Variants in DHX8 observed in about 807,000 individuals in gnomAD.
DHX8 encodes the protein DEAH-box helicase 8, also known as ATP-dependent RNA helicase DHX8.
Under a neutral mutation model 140.7 loss-of-function variants are expected in DHX8, and 67 were observed. The ratio of observed to expected loss-of-function variants is 0.48; its 90% CI spans 0.39 to 0.58. The LOEUF is 0.58. Ranked by LOEUF, DHX8 falls within the 20% of genes least tolerant of loss-of-function variation. DHX8 has a pLI of 0.00. For synonymous variants in DHX8, 533 were observed against 553.2 expected (o/e 0.96, Z 0.51); for missense variants, 887 against 1,550.7 (o/e 0.57, Z 7.19).
At chr17:43,543,166 A>G (rs1430096758) in intron 3 of DHX8, among the ~76,000 whole-genome samples, 2 of 151,924 alleles carry the variant, frequency 1.3e-5, no homozygotes, top group Non-Finnish European at 2.9e-5. Context: ...GAGGGAACCA[A>G]GGAGATCCCA....
At chr17:43,506,479 C>T (rs1028751091) in intron 12 of DHX8, among the ~76,000 whole-genome samples, 7 of 151,830 alleles carry the variant, frequency 4.6e-5, no homozygotes, top group Admixed American at 4.6e-4. Context: ...ATTAGCCGGG[C>T]GTGCTGGCGG....
chr17:43,521,024 G>A (rs1970352167), intron 20 of DHX8, 145 bp downstream of exon 20: 5 of 836,816 alleles, frequency 6.0e-6, no homozygotes, highest in East Asian at 2.9e-5. Context: ...AGGCTGGAGT[G>A]CAGTGGAATG....
chr17:43,514,718 A>G (rs918203875), intron 17 of DHX8, among the ~76,000 whole-genome samples: 2 of 152,356 alleles, frequency 1.3e-5, no homozygotes, highest in African/African-American at 2.4e-5. Context: ...AAGGATGTTC[A>G]TCGAAGGATT....
At chr17:43,489,591 T>C in intron 2 of DHX8, 57 bp downstream of exon 2, 1 of 1,341,864 alleles carries the variant, frequency 7.5e-7, no homozygotes, top group Non-Finnish European at 1.1e-6. Flanking sequence ...TTATGTTTGT[T>C]TGTTTGTTTT....
downstream of DHX8, chr17:43,528,534 A>T: frequency 6.2e-7 from 1 of 1,609,122 alleles, no homozygotes; most frequent in Non-Finnish European, 8.5e-7. Context: ...AAGAGTAGCC[A>T]CCCTTGGGGC....
At chr17:43,486,771 A>G (rs564941819) in intron 1 of DHX8, among the ~76,000 whole-genome samples, 2 of 151,536 alleles carry the variant, frequency 1.3e-5, no homozygotes, top group African/African-American at 4.8e-5. Flanking sequence ...CTAGCTACTC[A>G]GGAGGCTGAG....
chr17:43,509,300 C>T (rs920742615), intron 16 of DHX8, among the ~76,000 whole-genome samples: 2 of 152,114 alleles, frequency 1.3e-5, no homozygotes, highest in Non-Finnish European at 2.9e-5. Context: ...TCTGTGATGG[C>T]CTGGAGACGA....
chr17:43,496,331 G>A (rs1049445661), intron 9 of DHX8, 63 bp downstream of exon 9: 1 of 1,199,426 alleles, frequency 8.3e-7, no homozygotes, highest in Non-Finnish European at 1.2e-6. Flanking sequence ...TGGGTGATTT[G>A]CCTGTAGTTT....
intron 16 of DHX8, among the ~76,000 whole-genome samples, chr17:43,511,591 G>A (rs1004553415): frequency 1.3e-5 from 2 of 149,868 alleles, no homozygotes; most frequent in African/African-American, 4.9e-5. Flanking sequence ...CTGAGTAGCT[G>A]GGATTACAGG....
chr17:43,523,614 C>G lies in DHX8; in HGVS notation c.3444-14C>G, dbSNP rs751228203. 2 of 1,613,712 alleles carry G rather than the reference C, an allele frequency of 1.2e-6. No homozygotes were observed. On this transcript the variant is annotated splice_polypyrimidine_tract_variant and intron_variant, in intron 22 of 22. Transcript: ENST00000262415. ...ATATCCAGAGGCTTGAGTACTATCT[C>G]TGTCCCCCCTCAGGGTGGTGTACCA...
In DHX8 at chr17:43,504,634, T is replaced by C. The variant is rs202049893; in HGVS notation, c.1547-10T>C. 6.7e-5 allele frequency: 108 copies of C among 1,603,954 alleles called. No homozygotes were observed. The African/African-American group carries it at 1.1e-3, about 17-fold the overall frequency. Reference sequence around the variant, plus strand: ...GAGGACAATACTAAGTTGCCTGTTTTCCTTTCCAGCGGAAGGCAGACAGAT... The same window carrying C: ...GAGGACAATACTAAGTTGCCTGTTTCCCTTTCCAGCGGAAGGCAGACAGAT... On this transcript the variant is annotated splice_polypyrimidine_tract_variant and intron_variant, in intron 11 of 22. Transcript: ENST00000262415.
At chr17:43,540,079 T>C (rs900994291) in intron 3 of DHX8, among the ~76,000 whole-genome samples, 3 of 152,208 alleles carry the variant, frequency 2.0e-5, no homozygotes, top group African/African-American at 7.2e-5. Context: ...CCAGCACACA[T>C]CTTTTCAGGA....
rs1204574970 is a variant in DHX8 at position 43,524,103 on chromosome 17, T to G, written c.*256T>G. 7.6e-7 allele frequency: 1 copy of G among 1,324,488 alleles called. No individual in the cohort carries two copies. Among genetic ancestry groups the G allele is most frequent in the Non-Finnish European group, 9.7e-7 (1 of 1,031,864 alleles). The allele number at this position is 1,324,488 out of a possible 1,614,324, so 82.0% of individuals were successfully genotyped here. A position where few individuals can be genotyped will look rare whatever the true frequency, so the allele number is the denominator to read the frequency against. On this transcript the variant is annotated 3_prime_UTR_variant, in exon 23 of 23. Transcript: ENST00000262415. ...AGCTCATATCTAACACAGAGACACA[T>G]TGCATCAACTTCAAGAAAGGGACAA...
chr17:43,506,618 C>CAAA (rs59130188), intron 12 of DHX8, among the ~76,000 whole-genome samples: 2 of 73,602 alleles, frequency 2.7e-5, no homozygotes. Context: ...GACTTCATCT[C>CAAA]AAAAAAAAAA....
intron 3 of DHX8, among the ~76,000 whole-genome samples, chr17:43,541,694 G>A (rs192681216): frequency 6.6e-6 from 1 of 152,234 alleles, no homozygotes; most frequent in African/African-American, 2.4e-5. Context: ...ATAGGGTGAA[G>A]GGGGTAGAGG....
rs542367227 is a variant in DHX8 at position 43,511,896 on chromosome 17, C to T, written c.2503-1466C>T. Among the ~76,000 whole-genome samples the T allele has an allele frequency of 1.1e-4, 16 of 149,308 alleles. 1 individual carries two copies. Among genetic ancestry groups the T allele is most frequent in the African/African-American group, 3.7e-4 (15 of 40,672 alleles). On this transcript the variant is annotated intron_variant, in intron 16 of 22. Transcript: ENST00000262415. The stretch of plus-strand genomic sequence containing the variant: ...AATCAGCCAGGCGTGGTGGCACATG[C>T]ATAGTCCCAGCTACTCAAGAGATTG...
chr17:43,533,116 C>G, intron 2 of DHX8: 5 of 1,576,724 alleles, frequency 3.2e-6, no homozygotes, highest in Non-Finnish European at 4.3e-6. Context: ...CAGCTCAAGT[C>G]TTTATGGAGA....
At position 43,521,398 on chromosome 17, in the gene DHX8, G is replaced by A; in HGVS notation, c.3096G>A (p.Lys1032=). 6.2e-7 allele frequency: 1 copy of A among 1,613,600 alleles called. No homozygotes were observed. Among genetic ancestry groups the A allele is most frequent in the Non-Finnish European group, 8.5e-7 (1 of 1,179,802 alleles). ...KDKQALADQK[K]AKFHQTEGDH... ...AACAAGCCCTTGCAGATCAGAAGAA[G>A]GCCAAATTCCACCAGACTGAAGGGG... Residue 1032 remains lysine (K), a synonymous_variant, in exon 21 of 23, where the codon AAG becomes AAA. Transcript: ENST00000262415.
intron 1 of DHX8, among the ~76,000 whole-genome samples, chr17:43,486,525 A>T (rs1230658499): frequency 1.3e-5 from 2 of 152,026 alleles, no homozygotes; most frequent in African/African-American, 4.8e-5. Flanking sequence ...CTATAAATTA[A>T]TTTTTTATAA....
Sources: allele counts gnomAD v4.1 joint callset (sites outside exome capture counted in the v4.1 genomes callset), GRCh38; gene constraint gnomAD v4.1.1; transcripts MANE v1.5; gene names NCBI Gene and HGNC (gene_info 2026-07-23, HGNC 2026-07-21).